The following TCF4 variants were observed in gnomAD, a reference collection of about 807,000 sequenced individuals.
TCF4 encodes the protein transcription factor 4.
TCF4 carries 3 observed loss-of-function variants against 82.1 expected under a neutral mutation model. The ratio of observed to expected loss-of-function variants is 0.04; its 90% CI spans 0.02 to 0.09. TCF4 has a LOEUF of 0.09. Among genes scored for constraint, TCF4 ranks in the 10% least tolerant of loss-of-function variants. The probability of loss-of-function intolerance (pLI) is 1.00; values close to 1 mark genes in which losing one functional copy is unlikely to be tolerated. For synonymous variants in TCF4, 276 were observed against 309.6 expected (o/e 0.89, Z 1.14); for missense variants, 518 against 852.7 (o/e 0.61, Z 4.89).
chr18:55,613,069 A>G (rs2097708607), intron 2 of TCF4, among the ~76,000 whole-genome samples: 2 of 152,096 alleles, frequency 1.3e-5, no homozygotes, highest in East Asian at 1.9e-4. Flanking sequence ...ACCTTATTTC[A>G]TATTCTTAAA....
At chr18:55,400,154 AT>A (rs1178746066) in intron 6 of TCF4, among the ~76,000 whole-genome samples, 3 of 152,202 alleles carry the variant, frequency 2.0e-5, no homozygotes, top group African/African-American at 7.2e-5. Flanking sequence ...AACAAATGAC[AT>A]TTTTTCCCTT....
At chr18:55,331,810 T>C (rs1392493699) in intron 8 of TCF4, among the ~76,000 whole-genome samples, 1 of 152,242 alleles carries the variant, frequency 6.6e-6, no homozygotes, top group African/African-American at 2.4e-5. Flanking sequence ...GATTATAATC[T>C]GCTGAGGATC....
chr18:55,384,371 G>A (rs1473180687), intron 6 of TCF4, among the ~76,000 whole-genome samples: 1 of 152,132 alleles, frequency 6.6e-6, no homozygotes, highest in Non-Finnish European at 1.5e-5. Flanking sequence ...CCTTCCCTGC[G>A]CCACTCACAC....
At chr18:55,401,679 A>G in intron 6 of TCF4, 1 of 986,766 alleles carries the variant, frequency 1.0e-6, no homozygotes, top group Non-Finnish European at 1.2e-6. Context: ...ACATACACAG[A>G]CAGACTCACA....
intron 5 of TCF4, among the ~76,000 whole-genome samples, chr18:55,442,663 C>T (rs978370740): frequency 5.9e-5 from 9 of 152,132 alleles, no homozygotes; most frequent in Non-Finnish European, 4.4e-5. Flanking sequence ...ACTAATAAAG[C>T]ACCTCTCAGG....
At chr18:55,444,150 G>A (rs946210948) in intron 5 of TCF4, among the ~76,000 whole-genome samples, 1 of 152,188 alleles carries the variant, frequency 6.6e-6, no homozygotes, top group Admixed American at 6.5e-5. Flanking sequence ...GAAATCAGAC[G>A]AGGATACGTA....
intron 2 of TCF4, among the ~76,000 whole-genome samples, chr18:55,605,596 G>A (rs1305496076): frequency 6.6e-6 from 1 of 152,154 alleles, no homozygotes; most frequent in East Asian, 1.9e-4. Flanking sequence ...GTGGAGGTAG[G>A]AATGATTAAC....
chr18:55,585,520 GA>G, intron 2 of TCF4, 168 bp from the exon 3 acceptor site: 1 of 707,402 alleles, frequency 1.4e-6, no homozygotes, highest in African/African-American at 1.8e-5. Context: ...CAACATTACA[GA>G]TCCCACCCCA....
chr18:55,622,046 A>G (rs559626802), intron 2 of TCF4, among the ~76,000 whole-genome samples: 7 of 137,286 alleles, frequency 5.1e-5, no homozygotes, highest in Non-Finnish European at 9.1e-5. Flanking sequence ...TATACACTAT[A>G]TATAATATAT....
At chr18:55,585,868 C>T in intron 2 of TCF4, 1 of 1,180,512 alleles carries the variant, frequency 8.5e-7, no homozygotes, top group Non-Finnish European at 1.1e-6. Flanking sequence ...AAGACTCTCT[C>T]TCTCTCTCAC....
chr18:55,409,272 C>T (rs565712123), intron 5 of TCF4, among the ~76,000 whole-genome samples: 82 of 152,202 alleles, frequency 5.4e-4, no homozygotes, highest in African/African-American at 1.9e-3. Context: ...AAAGAATCTA[C>T]GAACTGTTAC....
intron 2 of TCF4, among the ~76,000 whole-genome samples, chr18:55,604,824 G>C (rs533560135): frequency 6.6e-6 from 1 of 152,252 alleles, no homozygotes; most frequent in African/African-American, 2.4e-5. Flanking sequence ...TACTTGCTAC[G>C]ACTTTTCCAG....
chr18:55,330,993 T>C (rs2077476969), intron 8 of TCF4, among the ~76,000 whole-genome samples: 1 of 152,226 alleles, frequency 6.6e-6, no homozygotes, highest in Admixed American at 6.5e-5. Context: ...AATCCCTAAC[T>C]TCTGTGTTTA....
In TCF4 at chr18:55,468,367, C is replaced by T. The variant is rs2096078064; in HGVS notation, c.146-4230G>A. Among the ~76,000 whole-genome samples, 3 of 152,170 alleles carry T rather than the reference C, an allele frequency of 2.0e-5. No homozygotes were observed. The South Asian group carries it at 6.2e-4, about 32-fold the overall frequency. ...TGACAATAACCATCAGATAAAAACACACAAAGTGTCCAGGAGAAGCATACC... is the reference window on the plus strand; with the variant it reads ...TGACAATAACCATCAGATAAAAACATACAAAGTGTCCAGGAGAAGCATACC... On this transcript the variant is annotated intron_variant, in intron 3 of 19. Coordinates refer to ENST00000354452, the MANE Select transcript of TCF4 (RefSeq NM_001083962.2).
At chr18:55,446,227 T>C (rs1228362453) in intron 5 of TCF4, among the ~76,000 whole-genome samples, 2 of 152,064 alleles carry the variant, frequency 1.3e-5, no homozygotes, top group African/African-American at 4.8e-5. Flanking sequence ...AGCTGAAGAA[T>C]GAAAATCAGC....
chr18:55,423,420 C>T (rs1603458625), intron 5 of TCF4: 2 of 72,614 alleles, frequency 2.8e-5, no homozygotes, highest in African/African-American at 8.8e-5. Context: ...GAGGCACACG[C>T]GCGCGCGCAC....
intron 15 of TCF4, among the ~76,000 whole-genome samples, chr18:55,253,182 GGT>G (rs2055765154): frequency 3.3e-5 from 5 of 152,124 alleles, no homozygotes. Context: ...CGTTCAGAAT[GGT>G]ACTCTTAATC....
At chr18:55,400,188 T>C (rs2093737709) in intron 6 of TCF4, among the ~76,000 whole-genome samples, 1 of 152,184 alleles carries the variant, frequency 6.6e-6, no homozygotes, top group Admixed American at 6.6e-5. Flanking sequence ...ATGATGCCCA[T>C]TAAGTTTTAG....
At chr18:55,614,963 T>A (rs1302158620) in intron 2 of TCF4, among the ~76,000 whole-genome samples, 1 of 152,172 alleles carries the variant, frequency 6.6e-6, no homozygotes, top group Non-Finnish European at 1.5e-5. Flanking sequence ...TTTATTATTA[T>A]GATTTTGCTT....
Sources: allele counts gnomAD v4.1 joint callset (sites outside exome capture counted in the v4.1 genomes callset), GRCh38; gene constraint gnomAD v4.1.1; transcripts MANE v1.5; gene names NCBI Gene and HGNC (gene_info 2026-07-23, HGNC 2026-07-21).